The following PTPRT variants were observed in gnomAD, a reference collection of about 807,000 sequenced individuals.
The protein encoded by PTPRT is protein tyrosine phosphatase receptor type T.
A neutral mutation model predicts 176.8 loss-of-function variants in PTPRT; 56 were observed. The observed-to-expected ratio is 0.32, with a 90% CI of 0.26 to 0.40. PTPRT has a LOEUF of 0.40. PTPRT is among the 10% of genes least tolerant of loss of function. The probability of loss-of-function intolerance (pLI) is 1.00; values close to 1 mark genes in which losing one functional copy is unlikely to be tolerated. For missense variants in PTPRT, 1,540 were observed against 1,908.2 expected, an observed-to-expected ratio of 0.81 and a Z score of 3.60; for synonymous variants, 783 against 739.0, an observed-to-expected ratio of 1.06 and a Z score of -0.96.
chr20:43,184,592 G>A (rs1430710171), intron 1 of PTPRT, among the ~76,000 whole-genome samples: 1 of 151,920 alleles, frequency 6.6e-6, no homozygotes, highest in Non-Finnish European at 1.5e-5. Context: ...GAGGCTGAGG[G>A]AGGAGAATTG....
rs564110072 is a variant in PTPRT at position 42,923,854 on chromosome 20, T to TC, written c.89-37923_89-37922insG. The stretch of plus-strand genomic sequence containing the variant: ...GACATTTTTTTCTTTTCTTTTTTTT[T>TC]TCCTTAAGACAGAGTTTTGCTCTGT... On this transcript the variant is annotated intron_variant, in intron 1 of 30. Transcript: ENST00000373187. 1.7e-3 allele frequency among the ~76,000 whole-genome samples: 262 copies of TC among 152,210 alleles called. 1 individual carries two copies. The highest frequency in any genetic ancestry group is 6.1e-3 in the African/African-American group (255 of 41,514).
intron 20 of PTPRT, among the ~76,000 whole-genome samples, chr20:42,119,293 A>G (rs1987462191): frequency 1.3e-5 from 2 of 152,196 alleles, no homozygotes; most frequent in African/African-American, 4.8e-5. Context: ...AATAGCTGCG[A>G]AGTTTTCTAT....
chr20:42,309,466 A>G (rs1043211514), intron 12 of PTPRT, among the ~76,000 whole-genome samples: 2 of 152,178 alleles, frequency 1.3e-5, no homozygotes, highest in Admixed American at 6.5e-5. Context: ...TGGGGAAAAA[A>G]ATCTTACTAC....
At position 42,744,767 on chromosome 20, in the gene PTPRT, T is replaced by A. The variant is rs117159496; in HGVS notation, c.859+11695A>T. ...TCCCCTCACCTTGAAATTGTCTGCA[T>A]CCAGCTAACCAAAGAGGGGGGTGAG... On this transcript the variant is annotated intron_variant, in intron 6 of 30. Coordinates refer to ENST00000373187, the MANE Select transcript of PTPRT (RefSeq NM_007050.6). Among the ~76,000 whole-genome samples, 158 of 152,316 alleles carry A rather than the reference T, an allele frequency of 1.0e-3. 2 individuals are homozygous for A. In the East Asian group the frequency reaches 0.022, roughly 21 times the overall value.
intron 9 of PTPRT, among the ~76,000 whole-genome samples, chr20:42,372,203 G>A (rs1208557176): frequency 6.6e-6 from 1 of 151,850 alleles, no homozygotes; most frequent in Non-Finnish European, 1.5e-5. Flanking sequence ...AGACAGAGGA[G>A]CAAGACAGTT....
At chr20:42,116,129 A>C in intron 21 of PTPRT, 2 of 715,658 alleles carry the variant, frequency 2.8e-6, no homozygotes, top group Non-Finnish European at 5.2e-6. Flanking sequence ...AACAAGAAAC[A>C]AAAAACAAAC....
chr20:42,892,295 T>C (rs1180990027), intron 1 of PTPRT, among the ~76,000 whole-genome samples: 1 of 152,140 alleles, frequency 6.6e-6, no homozygotes, highest in Non-Finnish European at 1.5e-5. Flanking sequence ...ATAGATGATG[T>C]ATCAAACTCA....
intron 1 of PTPRT, among the ~76,000 whole-genome samples, chr20:43,023,006 AG>A (rs1985761283): frequency 6.6e-6 from 1 of 152,348 alleles, no homozygotes; most frequent in African/African-American, 2.4e-5. Context: ...CCTCATAGCA[AG>A]GGCAGGTCCC....
intron 1 of PTPRT, among the ~76,000 whole-genome samples, chr20:43,084,462 C>T (rs886505201): frequency 1.3e-5 from 2 of 152,124 alleles, no homozygotes; most frequent in African/African-American, 4.8e-5. Context: ...GGGGAAACTG[C>T]CAAACACTTT....
intron 14 of PTPRT, among the ~76,000 whole-genome samples, chr20:42,244,012 A>G (rs1470664681): frequency 6.6e-6 from 1 of 152,214 alleles, no homozygotes; most frequent in Non-Finnish European, 1.5e-5. Context: ...GTGGAGATGA[A>G]TGTTTCTGTA....
At chr20:42,392,252 G>A (rs1451493473) in intron 9 of PTPRT, among the ~76,000 whole-genome samples, 1 of 152,148 alleles carries the variant, frequency 6.6e-6, no homozygotes, top group African/African-American at 2.4e-5. Flanking sequence ...TGCATGAAAT[G>A]TCTTTGTTTC....
At chr20:42,483,179 T>C (rs980187431) in intron 7 of PTPRT, among the ~76,000 whole-genome samples, 2 of 152,260 alleles carry the variant, frequency 1.3e-5, no homozygotes. Context: ...CATTCTTCTT[T>C]GTTTTTGAGA....
chr20:42,990,165 G>C (rs1210267605), intron 1 of PTPRT, among the ~76,000 whole-genome samples: 1 of 152,198 alleles, frequency 6.6e-6, no homozygotes, highest in African/African-American at 2.4e-5. Context: ...AAGTCTATGG[G>C]AAAAGAAGGC....
intron 15 of PTPRT, among the ~76,000 whole-genome samples, chr20:42,203,395 G>A (rs1161363201): frequency 6.6e-6 from 1 of 152,060 alleles, no homozygotes; most frequent in Non-Finnish European, 1.5e-5. Flanking sequence ...CTAAGGACTG[G>A]GCTTCAACTC....
chr20:43,053,056 TAA>T (rs3092133), intron 1 of PTPRT, among the ~76,000 whole-genome samples: 11,506 of 146,376 alleles, frequency 0.079, 601 homozygotes, highest in East Asian at 0.16. Flanking sequence ...GCCTCAGACA[TAA>T]AAAAAAAAAG....
At chr20:43,113,960 T>C (rs1479539863) in intron 1 of PTPRT, among the ~76,000 whole-genome samples, 1 of 152,214 alleles carries the variant, frequency 6.6e-6, no homozygotes, top group African/African-American at 2.4e-5. Flanking sequence ...TGATATGCAT[T>C]TCTGCAGACA....
chr20:42,992,716 T>A (rs188699952), intron 1 of PTPRT, among the ~76,000 whole-genome samples: 289 of 152,302 alleles, frequency 1.9e-3, no homozygotes, highest in Non-Finnish European at 2.8e-3. Flanking sequence ...TCTCAATCAT[T>A]TATGGTCTCC....
At chr20:42,883,810 AC>A (rs1176229171) in intron 2 of PTPRT, among the ~76,000 whole-genome samples, 1 of 114,458 alleles carries the variant, frequency 8.7e-6, no homozygotes, top group Non-Finnish European at 1.8e-5. Flanking sequence ...CAACCCTTAC[AC>A]CCCCATATGC....
intron 15 of PTPRT, among the ~76,000 whole-genome samples, chr20:42,233,175 C>T (rs556633136): frequency 5.3e-5 from 8 of 152,278 alleles, no homozygotes; most frequent in Non-Finnish European, 8.8e-5. Flanking sequence ...CCACCTGGCA[C>T]TCTCATCTGC....
Sources: allele counts gnomAD v4.1 joint callset (sites outside exome capture counted in the v4.1 genomes callset), GRCh38; gene constraint gnomAD v4.1.1; transcripts MANE v1.5; gene names NCBI Gene and HGNC (gene_info 2026-07-23, HGNC 2026-07-21).